The following TRMT11 variants were observed in gnomAD, a reference collection of about 807,000 sequenced individuals.
TRMT11 encodes the protein tRNA (guanine(10)-N(2))-methyltransferase TRMT11.
Under a neutral mutation model 62.8 loss-of-function variants are expected in TRMT11, and 53 were observed. The ratio of observed to expected loss-of-function variants is 0.84; its 90% CI spans 0.68 to 1.06. The LOEUF is 1.06. Ranked by LOEUF, TRMT11 falls within the 50% of genes least tolerant of loss-of-function variation. The pLI, the probability that TRMT11 is intolerant of heterozygous loss-of-function variation, is 0.00. For synonymous variants in TRMT11, 188 were observed against 190.3 expected (o/e 0.99, Z 0.10); for missense variants, 556 against 553.4 (o/e 1.00, Z -0.05).
chr6:126,004,140 A>T (rs1244922811), intron 7 of TRMT11, among the ~76,000 whole-genome samples: 1 of 152,098 alleles, frequency 6.6e-6, no homozygotes, highest in South Asian at 2.1e-4. Context: ...ATATATATAC[A>T]TACACATAGA....
the TRMT11 span, among the ~76,000 whole-genome samples, chr6:126,264,216 C>A: frequency 1.3e-5 from 2 of 151,964 alleles, no homozygotes; most frequent in Non-Finnish European, 2.9e-5. Flanking sequence ...ATTGTATTTT[C>A]TTTATCAATT....
chr6:126,249,162 A>G, the TRMT11 span, among the ~76,000 whole-genome samples: 1 of 152,162 alleles, frequency 6.6e-6, no homozygotes, highest in East Asian at 1.9e-4. Flanking sequence ...TCTAGAATGC[A>G]AATTAGAACA....
chr6:126,221,621 T>G, the TRMT11 span, among the ~76,000 whole-genome samples: 2 of 152,222 alleles, frequency 1.3e-5, no homozygotes, highest in Non-Finnish European at 2.9e-5. Context: ...CTAATTTGTT[T>G]AAGTTCCTGA....
At chr6:126,250,867 A>G in the TRMT11 span, among the ~76,000 whole-genome samples, 1 of 152,192 alleles carries the variant, frequency 6.6e-6, no homozygotes. Context: ...TATGACAAAT[A>G]TGCCAAATTG....
At chr6:126,024,369 C>T (rs192258483) in intron 12 of TRMT11, among the ~76,000 whole-genome samples, 1 of 152,276 alleles carries the variant, frequency 6.6e-6, no homozygotes. Flanking sequence ...TTCACAAGGC[C>T]TTTCCTTTGT....
the TRMT11 span, among the ~76,000 whole-genome samples, chr6:126,213,177 G>A: frequency 6.6e-6 from 1 of 152,072 alleles, no homozygotes; most frequent in South Asian, 2.1e-4. Flanking sequence ...ATATGGCTCT[G>A]TAGTATAATT....
chr6:126,012,886 T>A (rs376422744), intron 10 of TRMT11, 34 bp downstream of exon 10: 244 of 1,609,168 alleles, frequency 1.5e-4, no homozygotes, highest in Non-Finnish European at 2.0e-4. Context: ...TGTTACTACC[T>A]TGAGAAGAGG....
At chr6:126,151,240 A>T (rs1476258261) in intron 21 of TRMT11, among the ~76,000 whole-genome samples, 1 of 152,176 alleles carries the variant, frequency 6.6e-6, no homozygotes, top group African/African-American at 2.4e-5. Context: ...AAACGCTATG[A>T]TGCCCTTTGA....
intron 3 of TRMT11, 121 bp downstream of exon 3, chr6:125,996,161 G>C (rs1389872600): frequency 1.7e-6 from 1 of 601,010 alleles, no homozygotes; most frequent in African/African-American, 1.9e-5. Flanking sequence ...ACATACAACT[G>C]CCACTGGGTG....
intron 21 of TRMT11, among the ~76,000 whole-genome samples, chr6:126,121,004 A>G (rs1480573496): frequency 6.6e-6 from 1 of 151,978 alleles, no homozygotes; most frequent in Non-Finnish European, 1.5e-5. Flanking sequence ...AACCTCTCCT[A>G]TCTCAGGTTT....
At chr6:125,993,045 A>T (rs1470903956) in intron 1 of TRMT11, among the ~76,000 whole-genome samples, 1 of 152,058 alleles carries the variant, frequency 6.6e-6, no homozygotes, top group Admixed American at 6.5e-5. Flanking sequence ...AGGAAAGGGG[A>T]TAGTAGGTAG....
chr6:126,170,670 C>T (rs914079741), intron 21 of TRMT11, among the ~76,000 whole-genome samples: 1 of 152,064 alleles, frequency 6.6e-6, no homozygotes, highest in Non-Finnish European at 1.5e-5. Context: ...CACTTCCTGA[C>T]GTGGTATCTG....
chr6:126,245,115 A>G, the TRMT11 span, among the ~76,000 whole-genome samples: 1 of 152,168 alleles, frequency 6.6e-6, no homozygotes, highest in Non-Finnish European at 1.5e-5. Flanking sequence ...TAAATTTAAG[A>G]AAGGCTTTAT....
intron 16 of TRMT11, among the ~76,000 whole-genome samples, chr6:126,050,475 G>A (rs567538560): frequency 5.3e-5 from 8 of 152,142 alleles, no homozygotes; most frequent in Non-Finnish European, 7.3e-5. Context: ...GGCTGAGGCC[G>A]GAGGATCACT....
chr6:126,161,815 T>G (rs375024204), intron 21 of TRMT11, among the ~76,000 whole-genome samples: 32 of 152,362 alleles, frequency 2.1e-4, no homozygotes, highest in African/African-American at 7.2e-4. Context: ...TGGTTTTGAT[T>G]TGCATTTCTC....
At chr6:126,093,601 A>G (rs1486979417) in intron 17 of TRMT11, among the ~76,000 whole-genome samples, 3 of 82,736 alleles carry the variant, frequency 3.6e-5, no homozygotes, top group Non-Finnish European at 6.7e-5. Flanking sequence ...ATATATATAT[A>G]TATATATATA....
chr6:125,987,964 A>G lies in TRMT11; in HGVS notation c.72+1342A>G, dbSNP rs1310205782. Among the ~76,000 whole-genome samples, 3 of 152,320 alleles carry G rather than the reference A, an allele frequency of 2.0e-5. No homozygotes were observed. In the East Asian group the frequency reaches 5.8e-4, roughly 29 times the overall value. ...TGGGAGTCTTCTTCATATGAAAACTAGGAGCGGGGAAGAAATTACTCAAAG... is the reference window on the plus strand; with the variant it reads ...TGGGAGTCTTCTTCATATGAAAACTGGGAGCGGGGAAGAAATTACTCAAAG... On this transcript the variant is annotated intron_variant, in intron 1 of 12. Coordinates refer to ENST00000334379, the MANE Select transcript of TRMT11 (RefSeq NM_001031712.3).
At chr6:126,084,461 C>A (rs1583870530) in intron 17 of TRMT11, among the ~76,000 whole-genome samples, 1 of 152,020 alleles carries the variant, frequency 6.6e-6, no homozygotes, top group Non-Finnish European at 1.5e-5. Context: ...TGTATGAGTT[C>A]TTTATAAATT....
intron 17 of TRMT11, among the ~76,000 whole-genome samples, chr6:126,100,585 G>T (rs929830037): frequency 7.9e-5 from 12 of 152,284 alleles, no homozygotes; most frequent in Admixed American, 3.9e-4. Flanking sequence ...CTGAGGACAG[G>T]AATATGGCTA....
Sources: allele counts gnomAD v4.1 joint callset (sites outside exome capture counted in the v4.1 genomes callset), GRCh38; gene constraint gnomAD v4.1.1; transcripts MANE v1.5; gene names NCBI Gene and HGNC (gene_info 2026-07-23, HGNC 2026-07-21).